SUPT3H: variants seen among roughly 807,000 people sequenced by gnomAD.
SUPT3H encodes the protein SPT3 homolog, SAGA and STAGA complex component.
A neutral mutation model predicts 44.3 loss-of-function variants in SUPT3H; 44 were observed. That is an observed-to-expected ratio of 0.99 (90% confidence interval 0.78 to 1.28). The LOEUF is 1.28. Ranked by LOEUF, SUPT3H falls within the 50% of genes most tolerant of loss-of-function variation. SUPT3H has a pLI of 0.00. For synonymous variants in SUPT3H, 124 were observed against 125.6 expected, an observed-to-expected ratio of 0.99 and a Z score of 0.09; for missense variants, 380 against 387.1, an observed-to-expected ratio of 0.98 and a Z score of 0.15.
chr6:45,025,038 T>A (rs1237185135), intron 3 of SUPT3H, among the ~76,000 whole-genome samples: 1 of 152,186 alleles, frequency 6.6e-6, no homozygotes, highest in Non-Finnish European at 1.5e-5. Context: ...TTAGACTCCA[T>A]AATTGCATAA....
chr6:45,323,165 T>C (rs141405651), intron 2 of SUPT3H, among the ~76,000 whole-genome samples: 56 of 152,278 alleles, frequency 3.7e-4, no homozygotes, highest in African/African-American at 1.3e-3. Context: ...TCTTCTCTAT[T>C]CTTCCTCTAA....
At chr6:45,026,215 T>C (rs1017921325) in intron 3 of SUPT3H, among the ~76,000 whole-genome samples, 6 of 152,184 alleles carry the variant, frequency 3.9e-5, no homozygotes, top group Non-Finnish European at 7.4e-5. Flanking sequence ...CCATATTTGC[T>C]AGCCAGAGAT....
At chr6:45,148,624 A>T (rs906236266) in intron 2 of SUPT3H, among the ~76,000 whole-genome samples, 1 of 152,130 alleles carries the variant, frequency 6.6e-6, no homozygotes, top group East Asian at 1.9e-4. Flanking sequence ...TAGTACTACA[A>T]CTTTTCTTCT....
At chr6:44,938,336 T>G (rs1373871820) in intron 9 of SUPT3H, among the ~76,000 whole-genome samples, 1 of 152,150 alleles carries the variant, frequency 6.6e-6, no homozygotes, top group Non-Finnish European at 1.5e-5. Context: ...AGGGTGTCCT[T>G]TCCCCAGTGT....
In SUPT3H at chr6:44,932,643, T is replaced by G; in HGVS notation, c.912+10A>C. On this transcript the variant is annotated intron_variant, in intron 10 of 10. Transcript: ENST00000371459. ...TAAATATAACTTTTTATAACTCTGT[T>G]ATTACGTACTGTGAATGGGGAAAGT... 6.3e-7 allele frequency: 1 copy of G among 1,578,542 alleles called. No homozygotes were observed. The highest frequency in any genetic ancestry group is 8.7e-7 in the Non-Finnish European group (1 of 1,155,714).
chr6:44,882,438 C>T (rs547722715), intron 10 of SUPT3H, among the ~76,000 whole-genome samples: 10 of 152,280 alleles, frequency 6.6e-5, no homozygotes, highest in Non-Finnish European at 1.5e-4. Flanking sequence ...GGATTCACAG[C>T]CGAATTCTAC....
At chr6:44,830,054 G>A (rs563657895) in intron 10 of SUPT3H, among the ~76,000 whole-genome samples, 197 bp from the exon 11 acceptor site, 1 of 152,290 alleles carries the variant, frequency 6.6e-6, no homozygotes, top group African/African-American at 2.4e-5. Flanking sequence ...TGGTTAACAA[G>A]TGGTTAGTGA....
At chr6:44,998,762 T>C (rs1781605880) in intron 6 of SUPT3H, among the ~76,000 whole-genome samples, 1 of 152,000 alleles carries the variant, frequency 6.6e-6, no homozygotes, top group South Asian at 2.1e-4. Flanking sequence ...CTTCTTTTTA[T>C]TTCTGCTTAT....
chr6:45,064,067 G>A (rs925040832), intron 3 of SUPT3H, among the ~76,000 whole-genome samples: 37 of 53,280 alleles, frequency 6.9e-4, no homozygotes, highest in East Asian at 6.1e-3. Context: ...GAGAAAGGTC[G>A]GGTTACCCTC....
Position 44,889,593 on chromosome 6 carries a change from C to T in SUPT3H, c.912+43060G>A, listed in dbSNP as rs150238146. Among the ~76,000 whole-genome samples, 809 of 152,240 alleles carry T rather than the reference C, an allele frequency of 5.3e-3. 5 individuals carry two copies. Among genetic ancestry groups the T allele is most frequent in the African/African-American group, 0.018 (755 of 41,522 alleles). Reference sequence around the variant, plus strand: ...GCTGAAACTGGATGCCTTCCTTACGCCTTATACAAAAATTAATTCAAGATG... The same window carrying T: ...GCTGAAACTGGATGCCTTCCTTACGTCTTATACAAAAATTAATTCAAGATG... On this transcript the variant is annotated intron_variant, in intron 10 of 10. Coordinates refer to ENST00000371459, the MANE Select transcript of SUPT3H (RefSeq NM_003599.4).
At chr6:44,951,068 C>A (rs759526161) in intron 9 of SUPT3H, among the ~76,000 whole-genome samples, 24 of 151,854 alleles carry the variant, frequency 1.6e-4, no homozygotes, top group Non-Finnish European at 2.9e-4. Flanking sequence ...CTTTAATGAA[C>A]CTTAATCCTT....
At chr6:45,281,443 T>C (rs1392612703) in intron 2 of SUPT3H, among the ~76,000 whole-genome samples, 2 of 152,206 alleles carry the variant, frequency 1.3e-5, no homozygotes, top group African/African-American at 2.4e-5. Context: ...CAGGAGATTA[T>C]ATCCCGTGCC....
chr6:45,062,713 A>C (rs1042629494), intron 3 of SUPT3H, among the ~76,000 whole-genome samples: 7 of 152,168 alleles, frequency 4.6e-5, no homozygotes, highest in Non-Finnish European at 8.8e-5. Flanking sequence ...CGCACCTGGA[A>C]AATCGGGTCA....
intron 1 of SUPT3H, 61 bp downstream of exon 1, chr6:45,377,706 TC>T (rs1027159269): frequency 6.6e-6 from 1 of 152,110 alleles, no homozygotes; most frequent in African/African-American, 2.4e-5. Flanking sequence ...TCTGCGTCCC[TC>T]CCGGCTCTCT....
At chr6:45,188,109 T>G (rs934432006) in intron 2 of SUPT3H, among the ~76,000 whole-genome samples, 2 of 152,222 alleles carry the variant, frequency 1.3e-5, no homozygotes, top group Non-Finnish European at 2.9e-5. Flanking sequence ...TTCTATCAGA[T>G]CAACTGTCAC....
chr6:45,095,900 ATC>A lies in SUPT3H; in HGVS notation c.186+10020_186+10021del, dbSNP rs994340173. ...AAGCTTAGGATATGAAAAAGTTTGC[ATC>A]TCTCTGGTAAATGTGAAATTCTTGG... On this transcript the variant is annotated intron_variant, in intron 3 of 10. Transcript: ENST00000371459. The surrounding 1 kb of genome is among the most constrained non-coding windows in gnomAD (Gnocchi z 4.1). Among the ~76,000 whole-genome samples the A allele has an allele frequency of 2.0e-5, 3 of 152,106 alleles. No homozygotes were observed. The highest frequency in any genetic ancestry group is 7.2e-5 in the African/African-American group (3 of 41,446).
intron 1 of SUPT3H, chr6:45,371,791 T>A: frequency 1.0e-6 from 1 of 975,138 alleles, no homozygotes; most frequent in Non-Finnish European, 1.2e-6. Context: ...CAGACAAACA[T>A]ATATGCAAAT....
At chr6:45,024,001 G>A (rs1015073885) in intron 3 of SUPT3H, among the ~76,000 whole-genome samples, 1 of 152,124 alleles carries the variant, frequency 6.6e-6, no homozygotes, top group Non-Finnish European at 1.5e-5. Flanking sequence ...TGCATTTAAT[G>A]TGAAAACAAT....
chr6:45,314,092 TC>T (rs1451769522), intron 2 of SUPT3H, among the ~76,000 whole-genome samples: 1 of 152,058 alleles, frequency 6.6e-6, no homozygotes, highest in East Asian at 1.9e-4. Context: ...AAATCCAGCA[TC>T]CCTTTATGAT....
Sources: allele counts gnomAD v4.1 joint callset (sites outside exome capture counted in the v4.1 genomes callset), GRCh38; gene constraint gnomAD v4.1.1; non-coding constraint Gnocchi (gnomAD v3.1); transcripts MANE v1.5; gene names NCBI Gene and HGNC (gene_info 2026-07-23, HGNC 2026-07-21).